The following MAPK8IP2 variants were observed in gnomAD, a reference collection of about 807,000 sequenced individuals.
MAPK8IP2 encodes the protein C-Jun-amino-terminal kinase-interacting protein 2.
A neutral mutation model predicts 75.6 loss-of-function variants in MAPK8IP2; 15 were observed. That is an observed-to-expected ratio of 0.20 (90% CI 0.13 to 0.31). MAPK8IP2 has a LOEUF of 0.31. Ranked by LOEUF, MAPK8IP2 falls within the 10% of genes least tolerant of loss-of-function variation. MAPK8IP2 has a pLI of 1.00. For synonymous variants in MAPK8IP2, 632 were observed against 554.5 expected (o/e 1.14, Z -1.96); for missense variants, 1,089 against 1,211.2 (o/e 0.90, Z 1.50).
intron 8 of MAPK8IP2, among the ~76,000 whole-genome samples, 192 bp from the exon 9 acceptor site, chr22:50,606,466 C>T (rs563477132): frequency 8.5e-6 from 1 of 117,960 alleles, no homozygotes; most frequent in Admixed American, 8.5e-5. Context: ...TGCAGAGAGG[C>T]GATTGCTCCT....
In MAPK8IP2 at chr22:50,607,315, G is replaced by C. The variant is rs898546066; in HGVS notation, c.2303+324G>C. Reference sequence around the variant, plus strand: ...CAGCCTGGAAACACAGCAGGTGACAGCGGTGGGGAAGTGGATCTTCCTGGT... The same window carrying C: ...CAGCCTGGAAACACAGCAGGTGACACCGGTGGGGAAGTGGATCTTCCTGGT... On this transcript the variant is annotated intron_variant, in intron 10 of 11. Transcript: ENST00000329492. This position sits in a 1 kb window ranked among gnomAD's most constrained non-coding sequence, Gnocchi z 5.6. 1.3e-5 allele frequency among the ~76,000 whole-genome samples: 2 copies of C among 152,196 alleles called. No homozygotes were observed. The highest frequency in any genetic ancestry group is 4.8e-5 in the African/African-American group (2 of 41,456).
intron 1 of MAPK8IP2, 58 bp downstream of exon 1, chr22:50,600,941 C>T: frequency 1.4e-6 from 1 of 712,514 alleles, no homozygotes; most frequent in Non-Finnish European, 1.8e-6. Flanking sequence ...ACCCCCCCGA[C>T]CCCGACCCGG....
At position 50,600,855 on chromosome 22, in the gene MAPK8IP2, T is replaced by A; in HGVS notation, c.37T>A (p.Phe13Ile). ...CGCGGAGATGTTTTCTCTCTCCACC[T>A]TCCACTCGCTGTCGCCGCCGGGCTG... ...DRAEMFSLST[F>I]HSLSPPGCRP... Residue 13 changes from phenylalanine to isoleucine, a missense_variant, in exon 1 of 12, where the codon TTC (phenylalanine) becomes ATC (isoleucine). Phe to Ile is a conservative substitution (Grantham distance 21). Coordinates refer to ENST00000329492, the MANE Select transcript of MAPK8IP2 (RefSeq NM_012324.6). 3 of 1,300,704 alleles carry A rather than the reference T, an allele frequency of 2.3e-6. No individual in the cohort carries two copies. The highest frequency in any genetic ancestry group is 5.0e-4 in the Middle Eastern group (2 of 4,004). 80.6% of individuals were successfully genotyped at this position (1,300,704 alleles called of 1,614,324 possible). A position where few individuals can be genotyped will look rare whatever the true frequency, so the allele number is the denominator to read the frequency against.
chr22:50,606,531 C>A, intron 8 of MAPK8IP2, 127 bp from the exon 9 acceptor site: 1 of 717,346 alleles, frequency 1.4e-6, no homozygotes, highest in Non-Finnish European at 2.5e-6. Context: ...AGAATTGCAT[C>A]TCAGGGTCCT....
intron 10 of MAPK8IP2, chr22:50,609,712 A>T (rs778542991): frequency 2.0e-6 from 1 of 504,172 alleles, no homozygotes; most frequent in East Asian, 5.6e-5. Context: ...TGACTCCATG[A>T]GCGAGGCCCC....
intron 2 of MAPK8IP2, among the ~76,000 whole-genome samples, chr22:50,602,341 C>T (rs184494253): frequency 6.6e-6 from 1 of 152,372 alleles, no homozygotes; most frequent in Admixed American, 6.5e-5. Flanking sequence ...CTCCCTGTCT[C>T]TCCACATTTC....
At chr22:50,601,604 G>C in intron 1 of MAPK8IP2, 185 bp from the exon 2 acceptor site, 2 of 578,460 alleles carry the variant, frequency 3.5e-6, no homozygotes, top group Non-Finnish European at 6.2e-6. Context: ...GGCTCAGATG[G>C]GGGAGGGGAT....
At position 50,610,959 on chromosome 22, in the gene MAPK8IP2, T is replaced by G; in HGVS notation, c.*180T>G. On this transcript the variant is annotated 3_prime_UTR_variant, in exon 12 of 12. Coordinates refer to ENST00000329492, the MANE Select transcript of MAPK8IP2 (RefSeq NM_012324.6). The surrounding 1 kb of genome is among the most constrained non-coding windows in gnomAD (Gnocchi z 4.3). ...GTCCCCAGGGCGCAGCTGTTGGGGC[T>G]GCGGGGGAGTGGAGCCCCCGTGCCC... The G allele has an allele frequency of 1.8e-6, 1 of 569,630 alleles. No individual in the cohort carries two copies. Among genetic ancestry groups the G allele is most frequent in the Non-Finnish European group, 3.1e-6 (1 of 320,470 alleles). The allele number at this position is 569,630 out of a possible 1,614,324, so 35.3% of individuals were successfully genotyped here.
At position 50,604,201 on chromosome 22, in the gene MAPK8IP2, C is replaced by T. The variant is rs2070997294; in HGVS notation, c.902C>T (p.Ser301Leu). ...CTCACCAACTCCATCGAGGAGGCCTCGTCGCCCGCCTCGGAGCCGGAGCCC... is the reference window on the plus strand; with the variant it reads ...CTCACCAACTCCATCGAGGAGGCCTTGTCGCCCGCCTCGGAGCCGGAGCCC... Reference protein sequence around the residue: ...SHLTNSIEEASSPASEPEPPR... With the variant: ...SHLTNSIEEALSPASEPEPPR... Residue 301 changes from serine (S) to leucine (L), a missense_variant, in exon 5 of 12, where the codon TCG becomes TTG. Transcript: ENST00000329492. 1 of 1,544,190 alleles carries T rather than the reference C, an allele frequency of 6.5e-7. No individual in the cohort carries two copies. Among genetic ancestry groups the T allele is most frequent in the East Asian group, 2.4e-5 (1 of 41,346 alleles).
At chr22:50,602,309 C>T (rs912190187) in intron 2 of MAPK8IP2, among the ~76,000 whole-genome samples, 7 of 152,260 alleles carry the variant, frequency 4.6e-5, no homozygotes, top group African/African-American at 1.2e-4. Context: ...AATCTTTTCT[C>T]GTCCATCTCT....
Position 50,605,674 on chromosome 22 carries a change from C to G in MAPK8IP2, c.1954C>G (p.Arg652Gly), listed in dbSNP as rs200464821. Residue 652 changes from arginine to glycine, a missense_variant, in exon 7 of 12, where the codon CGC becomes GGC. Arg to Gly is a moderately radical substitution (Grantham distance 125). Transcript: ENST00000329492. ...TGGCTTCAACATGCGCACGGGGGAG[C>G]GCGGTGTGTTTCCTGCCTTCTACGC... ...FRGFNMRTGE[R>G]GVFPAFYAHA... 3.1e-6 allele frequency: 5 copies of G among 1,612,482 alleles called. No individual in the cohort carries two copies. Among genetic ancestry groups the G allele is most frequent in the Non-Finnish European group, 4.2e-6 (5 of 1,179,604 alleles).
rs2071004218 is a variant in MAPK8IP2, at chr22:50,604,430, G to T, written c.1131G>T (p.Pro377=). The T allele has an allele frequency of 6.9e-7, 1 of 1,444,936 alleles. No homozygotes were observed. Among genetic ancestry groups the T allele is most frequent in the African/African-American group, 1.5e-5 (1 of 67,436 alleles). The allele number at this position is 1,444,936 out of a possible 1,614,324, so 89.5% of individuals were successfully genotyped here. A position where few individuals can be genotyped will look rare whatever the true frequency, so the allele number is the denominator to read the frequency against. ...RCPGQCLSPA[P]RPPGEPVSPA... ...CCGGCCAGTGCCTGTCTCCTGCGCC[G>T]CGCCCGCCCGGGGAGCCCGTGTCGC... Residue 377 remains proline (P), a synonymous_variant, in exon 5 of 12, where the codon CCG becomes CCT. Coordinates refer to ENST00000329492, the MANE Select transcript of MAPK8IP2 (RefSeq NM_012324.6).
intron 10 of MAPK8IP2, among the ~76,000 whole-genome samples, chr22:50,609,324 CTCCATCAGG>C (rs2071106188): frequency 6.6e-6 from 1 of 152,136 alleles, no homozygotes; most frequent in African/African-American, 2.4e-5. Context: ...GTGCCTAGCT[CTCCATCAGG>C]GCCCTACCTC....
In MAPK8IP2 at chr22:50,611,086, C is replaced by T. The variant is rs963906057; in HGVS notation, c.*307C>T. 1 of 351,924 alleles carries T rather than the reference C, an allele frequency of 2.8e-6. No homozygotes were observed. Among genetic ancestry groups the T allele is most frequent in the Non-Finnish European group, 5.2e-6 (1 of 193,382 alleles). 21.8% of individuals were successfully genotyped at this position (351,924 alleles called of 1,614,324 possible). On this transcript the variant is annotated 3_prime_UTR_variant, in exon 12 of 12. Transcript: ENST00000329492. The surrounding 1 kb of genome is among the most constrained non-coding windows in gnomAD (Gnocchi z 5.5). Reference sequence around the variant, plus strand: ...GTGTCTCTGCCCCTCTCTGTGCCTGCAAACCTTATCCTCTATTCTTCACTT... The same window carrying T: ...GTGTCTCTGCCCCTCTCTGTGCCTGTAAACCTTATCCTCTATTCTTCACTT...
Position 50,610,629 on chromosome 22 carries a change from G to A in MAPK8IP2, c.2403-78G>A. On this transcript the variant is annotated intron_variant, in intron 11 of 11. Transcript: ENST00000329492. The surrounding 1 kb of genome is among the most constrained non-coding windows in gnomAD (Gnocchi z 4.3). Reference sequence around the variant, plus strand: ...GCTGCAGAGGGAGGAAGGAGGGAGAGCTCAGAGGCTCTGTGGAAGGCAGTT... The same window carrying A: ...GCTGCAGAGGGAGGAAGGAGGGAGAACTCAGAGGCTCTGTGGAAGGCAGTT... The A allele has an allele frequency of 3.4e-6, 4 of 1,159,774 alleles. No individual in the cohort carries two copies. Among genetic ancestry groups the A allele is most frequent in the Non-Finnish European group, 3.8e-6 (3 of 795,238 alleles). 71.8% of individuals were successfully genotyped at this position (1,159,774 alleles called of 1,614,324 possible).
In MAPK8IP2 at chr22:50,603,360, G is replaced by C; in HGVS notation, c.309G>C (p.Glu103Asp). ...AGGAAGAGGAGGAGGAGGAGGAGGA[G>C]GGAGATGGGGAAGGCCAGGAGGGAG... is the stretch of plus-strand genomic sequence containing the variant. ...EDEEEEEEEE[E>D]GDGEGQEGGD... The change falls in exon 3 of 12, where the codon GAG becomes GAC. Residue 103 changes from glutamate to aspartate, a missense_variant. Glu to Asp is a conservative substitution (Grantham distance 45). Around this residue, in one of 2 missense-constraint regions of MAPK8IP2, gnomAD observed 960 missense variants for 1,009.6 expected, o/e 0.95. Transcript: ENST00000329492. 1.3e-6 allele frequency: 2 copies of C among 1,553,952 alleles called. No homozygotes were observed. Among genetic ancestry groups the C allele is most frequent in the Non-Finnish European group, 8.7e-7 (1 of 1,151,776 alleles).
rs775075485 is a variant in MAPK8IP2, at chr22:50,603,906, G to T, written c.607G>T (p.Gly203Cys). Residue 203 changes from glycine to cysteine, a missense_variant, in exon 5 of 12, where the codon GGT (glycine) becomes TGT (cysteine). Around this residue, in one of 2 missense-constraint regions of MAPK8IP2, gnomAD observed 960 missense variants for 1,009.6 expected, o/e 0.95. Transcript: ENST00000329492. Reference protein sequence around the residue: ...PGGAQSPVRPGCDCEGNRPAE... With the variant: ...PGGAQSPVRPCCDCEGNRPAE... ...CGGGGCGCAGTCGCCAGTGCGCCCG[G>T]GTTGCGACTGCGAAGGGAACCGGCC... 429 of 1,537,500 alleles carry T rather than the reference G, an allele frequency of 2.8e-4. 5 individuals carry two copies. In the Admixed American group the frequency reaches 8.0e-3, roughly 28 times the overall value.
intron 6 of MAPK8IP2, 49 bp from the exon 7 acceptor site, chr22:50,605,513 C>A: frequency 6.3e-7 from 1 of 1,595,072 alleles, no homozygotes. Context: ...CCAGTGGACA[C>A]GACCGTCAAT....
chr22:50,610,185 G>C lies in MAPK8IP2; in HGVS notation c.2304-27G>C, dbSNP rs763226210. 2.5e-6 allele frequency: 4 copies of C among 1,568,636 alleles called. No individual in the cohort carries two copies. The highest frequency in any genetic ancestry group is 3.5e-6 in the Non-Finnish European group (4 of 1,151,110). On this transcript the variant is annotated intron_variant, in intron 10 of 11. Coordinates refer to ENST00000329492, the MANE Select transcript of MAPK8IP2 (RefSeq NM_012324.6). The surrounding 1 kb of genome is among the most constrained non-coding windows in gnomAD (Gnocchi z 4.3). The stretch of plus-strand genomic sequence containing the variant: ...GCCAAGGCTGGGCCAGGGCTCTGAC[G>C]TGCCCTCCACACTGACTTGCCCGCA...
Sources: gnomAD v4.1 joint callset for allele counts (sites outside exome capture counted in the v4.1 genomes callset) on GRCh38, gnomAD v4.1.1 for gene constraint, gnomAD v4.1.1 regional missense constraint, Gnocchi (gnomAD v3.1) non-coding constraint, MANE v1.5 for transcripts, NCBI Gene and HGNC (gene_info 2026-07-23, HGNC 2026-07-21) for gene names.